Variants in QTMAN observed in about 807,000 individuals in gnomAD.
QTMAN encodes the protein tRNA-queuosine alpha-mannosyltransferase.
the QTMAN span, among the ~76,000 whole-genome samples, chr2:144,281,590 CTG>C: frequency 6.6e-6 from 1 of 152,060 alleles, no homozygotes; most frequent in Non-Finnish European, 1.5e-5. Flanking sequence ...CTCAGAATAA[CTG>C]TATTTGGAGG....
chr2:144,102,290 G>A, the QTMAN span, among the ~76,000 whole-genome samples: 59 of 152,318 alleles, frequency 3.9e-4, no homozygotes, highest in African/African-American at 1.2e-3. Flanking sequence ...AGGCTATTAC[G>A]AAGTTGGTTT....
chr2:143,953,811 C>T, the QTMAN span, among the ~76,000 whole-genome samples: 4 of 151,860 alleles, frequency 2.6e-5, no homozygotes, highest in Non-Finnish European at 5.9e-5. Flanking sequence ...TTTTGAACTG[C>T]AGATTTTTTT....
the QTMAN span, chr2:143,938,742 C>T: frequency 6.6e-6 from 1 of 152,004 alleles, no homozygotes; most frequent in Non-Finnish European, 1.5e-5. Flanking sequence ...AATGATTTAC[C>T]CACACCCCAA....
At chr2:144,222,939 C>T in the QTMAN span, among the ~76,000 whole-genome samples, 1 of 152,168 alleles carries the variant, frequency 6.6e-6, no homozygotes, top group South Asian at 2.1e-4. Flanking sequence ...TAAAAGACTT[C>T]TCATAACCAC....
chr2:144,147,849 A>G, the QTMAN span, among the ~76,000 whole-genome samples: 1 of 151,950 alleles, frequency 6.6e-6, no homozygotes, highest in East Asian at 1.9e-4. Flanking sequence ...ACTGAGAAAG[A>G]TACAAATCAT....
At chr2:144,262,030 TG>T in the QTMAN span, among the ~76,000 whole-genome samples, 9 of 152,008 alleles carry the variant, frequency 5.9e-5, no homozygotes, top group South Asian at 1.9e-3. Context: ...ATTAACAAAA[TG>T]GAAAGTAAGA....
chr2:143,966,626 G>A, the QTMAN span, among the ~76,000 whole-genome samples: 1 of 152,154 alleles, frequency 6.6e-6, no homozygotes, highest in Non-Finnish European at 1.5e-5. Context: ...TGAGGCCTTG[G>A]GAAAGTCACT....
the QTMAN span, among the ~76,000 whole-genome samples, chr2:144,081,829 G>A: frequency 6.6e-6 from 1 of 152,294 alleles, no homozygotes; most frequent in East Asian, 1.9e-4. Context: ...GAGGTCCAGA[G>A]AGAGCCTATC....
At chr2:144,039,221 T>C in the QTMAN span, among the ~76,000 whole-genome samples, 6 of 152,166 alleles carry the variant, frequency 3.9e-5, no homozygotes, top group Admixed American at 6.6e-5. Context: ...CTCAAAGACT[T>C]GAATATGCGA....
the QTMAN span, among the ~76,000 whole-genome samples, chr2:144,213,187 T>C: frequency 6.6e-6 from 1 of 152,164 alleles, no homozygotes; most frequent in African/African-American, 2.4e-5. Flanking sequence ...TTTTTAAATT[T>C]TTATTAAAAC....
the QTMAN span, among the ~76,000 whole-genome samples, chr2:144,282,266 T>C: frequency 6.6e-6 from 1 of 152,024 alleles, no homozygotes; most frequent in East Asian, 1.9e-4. Context: ...GATACTAAGA[T>C]TGCTGGTCGG....
At chr2:144,255,863 G>GC in the QTMAN span, among the ~76,000 whole-genome samples, 1 of 152,210 alleles carries the variant, frequency 6.6e-6, no homozygotes, top group African/African-American at 2.4e-5. Flanking sequence ...TGATAATGAT[G>GC]TATAAATATT....
the QTMAN span, among the ~76,000 whole-genome samples, chr2:144,002,562 CA>C: frequency 6.6e-6 from 1 of 151,886 alleles, no homozygotes; most frequent in African/African-American, 2.4e-5. Flanking sequence ...TCTCATTATT[CA>C]AAAATGTCTA....
At chr2:144,246,366 G>A in the QTMAN span, among the ~76,000 whole-genome samples, 1 of 151,450 alleles carries the variant, frequency 6.6e-6, no homozygotes, top group Non-Finnish European at 1.5e-5. Context: ...GAGGTCAGGA[G>A]ATCGAGACCA....
the QTMAN span, chr2:144,005,840 A>G: frequency 2.0e-5 from 3 of 152,196 alleles, no homozygotes; most frequent in Admixed American, 6.5e-5. Flanking sequence ...TCTTTCCTCC[A>G]TATTGCTGTT....
the QTMAN span, among the ~76,000 whole-genome samples, chr2:143,973,240 C>G: frequency 6.6e-6 from 1 of 152,058 alleles, no homozygotes; most frequent in Non-Finnish European, 1.5e-5. Context: ...AACAGGCCAG[C>G]TGCCTGAAGA....
At chr2:144,155,651 T>C in the QTMAN span, among the ~76,000 whole-genome samples, 10 of 152,226 alleles carry the variant, frequency 6.6e-5, no homozygotes, top group African/African-American at 1.9e-4. Flanking sequence ...TCCGACCCTA[T>C]CAGTGTAGTC....
At chr2:144,094,525 C>T in the QTMAN span, among the ~76,000 whole-genome samples, 1 of 152,126 alleles carries the variant, frequency 6.6e-6, no homozygotes, top group Non-Finnish European at 1.5e-5. Context: ...TGGCAGAAGG[C>T]ACTTCTTCAC....
At chr2:143,951,176 G>A in the QTMAN span, among the ~76,000 whole-genome samples, 1 of 151,540 alleles carries the variant, frequency 6.6e-6, no homozygotes, top group East Asian at 1.9e-4. Flanking sequence ...ACTGCTAGAT[G>A]TAAACTATAC....
Sources: gnomAD v4.1 joint callset for allele counts (sites outside exome capture counted in the v4.1 genomes callset) on GRCh38, gnomAD v4.1.1 for gene constraint, MANE v1.5 for transcripts, NCBI Gene and HGNC (gene_info 2026-07-23, HGNC 2026-07-21) for gene names.